MEI4: variants seen among roughly 807,000 people sequenced by gnomAD.
The protein encoded by MEI4 is meiotic double-stranded break formation protein 4, also known as meiosis-specific protein MEI4.
In MEI4, 27 loss-of-function variants were observed where a neutral mutation model predicts 31.4. That is an observed-to-expected ratio of 0.86 (90% confidence interval 0.63 to 1.19). The LOEUF (loss-of-function observed/expected upper bound fraction) is 1.19. Among genes scored for constraint, MEI4 ranks in the 50% most tolerant of loss-of-function variants. The probability of loss-of-function intolerance (pLI) is 0.00; values close to 1 mark genes in which losing one functional copy is unlikely to be tolerated. For missense variants in MEI4, 329 were observed against 398.9 expected (o/e 0.82, Z 1.49); for synonymous variants, 122 against 145.4 (o/e 0.84, Z 1.16).
chr6:77,870,472 A>G (rs1771163846), intron 4 of MEI4, among the ~76,000 whole-genome samples: 1 of 152,220 alleles, frequency 6.6e-6, no homozygotes, highest in South Asian at 2.1e-4. Context: ...GTTTAGATTA[A>G]GTGATGTAAT....
At chr6:77,679,332 A>G (rs1175978279) in intron 1 of MEI4, among the ~76,000 whole-genome samples, 1 of 152,154 alleles carries the variant, frequency 6.6e-6, no homozygotes, top group African/African-American at 2.4e-5. Context: ...ACCATTTTTA[A>G]ATCTTTTATA....
At chr6:77,897,698 T>G (rs1766113221) in intron 4 of MEI4, among the ~76,000 whole-genome samples, 1 of 151,936 alleles carries the variant, frequency 6.6e-6, no homozygotes. Context: ...GGATTCAACA[T>G]TTTAGGCAGA....
At chr6:77,872,808 C>T (rs1169228516) in intron 4 of MEI4, among the ~76,000 whole-genome samples, 3 of 146,044 alleles carry the variant, frequency 2.1e-5, no homozygotes, top group Admixed American at 7.0e-5. Context: ...TCAATTCCCA[C>T]CTATGAGTGA....
chr6:77,898,121 T>C (rs747757252), intron 4 of MEI4, among the ~76,000 whole-genome samples: 4 of 152,150 alleles, frequency 2.6e-5, no homozygotes, highest in East Asian at 1.9e-4. Context: ...CTCTACTGCA[T>C]TGGGCTCCTA....
intron 4 of MEI4, among the ~76,000 whole-genome samples, chr6:77,830,790 A>G (rs144047005): frequency 6.6e-6 from 1 of 152,106 alleles, no homozygotes; most frequent in African/African-American, 2.4e-5. Context: ...ATCTGAAACT[A>G]TGCAACTACT....
chr6:77,743,779 G>T (rs1767492983), intron 2 of MEI4, among the ~76,000 whole-genome samples: 1 of 152,194 alleles, frequency 6.6e-6, no homozygotes, highest in Admixed American at 6.5e-5. Flanking sequence ...AACTTCCAGA[G>T]GAAAGATCAG....
At chr6:77,734,856 C>T (rs994414129) in intron 2 of MEI4, among the ~76,000 whole-genome samples, 2 of 151,684 alleles carry the variant, frequency 1.3e-5, no homozygotes, top group Admixed American at 6.6e-5. Flanking sequence ...TCAGCATTTG[C>T]TTGTCTGTAA....
intron 4 of MEI4, among the ~76,000 whole-genome samples, chr6:77,866,521 G>C (rs1365394950): frequency 6.6e-6 from 1 of 152,150 alleles, no homozygotes; most frequent in African/African-American, 2.4e-5. Flanking sequence ...ACTTATAAGG[G>C]ATGTGAAGGA....
In MEI4 at chr6:77,761,525, A is replaced by T; in HGVS notation, c.628A>T (p.Thr210Ser). Residue 210 changes from threonine (T) to serine (S), a missense_variant, in exon 3 of 5, where the codon ACA becomes TCA. Thr to Ser is a moderately conservative substitution (Grantham distance 58). Coordinates refer to ENST00000684080, the MANE Select transcript of MEI4 (RefSeq NM_001322247.2). ...CAAACTTCCTTTTTCAAGATTTTGG[A>T]CAGAAGCTGTTGGTACTTTAGCTAG... ...NPKLPFSRFW[T>S]EAVGTLASLI... The T allele has an allele frequency of 8.1e-7, 1 of 1,232,118 alleles. No homozygotes were observed. Among genetic ancestry groups the T allele is most frequent in the African/African-American group, 1.5e-5 (1 of 64,528 alleles). 76.3% of individuals were successfully genotyped at this position (1,232,118 alleles called of 1,614,324 possible).
chr6:77,737,278 T>G (rs755343664), intron 2 of MEI4, among the ~76,000 whole-genome samples: 7 of 152,218 alleles, frequency 4.6e-5, no homozygotes, highest in Non-Finnish European at 1.0e-4. Context: ...CATCAGTGTT[T>G]AGAATTGTTT....
At chr6:77,662,926 G>A (rs1045113149) in intron 1 of MEI4, among the ~76,000 whole-genome samples, 2 of 152,200 alleles carry the variant, frequency 1.3e-5, no homozygotes, top group Admixed American at 1.3e-4. Context: ...AAGCTTTGCA[G>A]CAGTACAGCC....
At position 77,847,939 on chromosome 6, in the gene MEI4, A is replaced by G. The variant is rs1024982866; in HGVS notation, c.900+18877A>G. 6.6e-6 allele frequency among the ~76,000 whole-genome samples: 1 copy of G among 152,184 alleles called. No individual in the cohort carries two copies. Among genetic ancestry groups the G allele is most frequent in the Non-Finnish European group, 1.5e-5 (1 of 68,030 alleles). On this transcript the variant is annotated intron_variant, in intron 4 of 4. Transcript: ENST00000684080. The surrounding 1 kb of genome is among the most constrained non-coding windows in gnomAD (Gnocchi z 4.6). ...TTCACTCAGAATTAGAAAGGAAAAA[A>G]GGAAAGGAAAGAACGTCGGAATATT... is the stretch of plus-strand genomic sequence containing the variant.
intron 2 of MEI4, among the ~76,000 whole-genome samples, chr6:77,756,742 A>C (rs1281373700): frequency 6.7e-6 from 1 of 149,260 alleles, no homozygotes; most frequent in African/African-American, 2.5e-5. Context: ...CTATCTATGT[A>C]ATTGTTGTGG....
chr6:77,899,291 AACTGGAGTCTGTTG>A, intron 4 of MEI4, among the ~76,000 whole-genome samples: 2 of 152,178 alleles, frequency 1.3e-5, no homozygotes, highest in Middle Eastern at 3.4e-3. Context: ...CCTGGAACAA[AACTGGAGTCTGTTG>A]ATGAGGAAGA....
At chr6:77,695,619 C>G (rs1418051073) in intron 2 of MEI4, among the ~76,000 whole-genome samples, 3 of 152,100 alleles carry the variant, frequency 2.0e-5, no homozygotes, top group Non-Finnish European at 4.4e-5. Context: ...TTCCATTGAT[C>G]TATATCTCTG....
At chr6:77,786,133 T>C (rs1035594836) in intron 3 of MEI4, among the ~76,000 whole-genome samples, 1 of 152,162 alleles carries the variant, frequency 6.6e-6, no homozygotes, top group Non-Finnish European at 1.5e-5. Flanking sequence ...TTAAACTATT[T>C]TCTTAATGTT....
chr6:77,854,272 AAT>A (rs1245619533), intron 4 of MEI4, among the ~76,000 whole-genome samples: 1 of 151,888 alleles, frequency 6.6e-6, no homozygotes, highest in African/African-American at 2.4e-5. Context: ...TTTGAAATTA[AAT>A]AGTTAACCAA....
intron 3 of MEI4, among the ~76,000 whole-genome samples, chr6:77,823,666 GGTTT>G (rs71546072): frequency 0.28 from 42,497 of 151,896 alleles, 6,681 homozygotes; most frequent in South Asian, 0.39. Flanking sequence ...AAGGTTGGTT[GGTTT>G]GTTTTATTCT....
chr6:77,810,065 T>C (rs1769539200), intron 3 of MEI4, among the ~76,000 whole-genome samples: 1 of 152,180 alleles, frequency 6.6e-6, no homozygotes, highest in South Asian at 2.1e-4. Context: ...CCTAAATGAA[T>C]GTAAGTTGAA....
Sources: gnomAD v4.1 joint callset for allele counts (sites outside exome capture counted in the v4.1 genomes callset) on GRCh38, gnomAD v4.1.1 for gene constraint, Gnocchi (gnomAD v3.1) non-coding constraint, MANE v1.5 for transcripts, NCBI Gene and HGNC (gene_info 2026-07-23, HGNC 2026-07-21) for gene names.